ADAMTS18: variants seen among roughly 807,000 people sequenced by gnomAD.
ADAMTS18 encodes the protein ADAM metallopeptidase with thrombospondin type 1 motif 18, also known as A disintegrin and metalloproteinase with thrombospondin motifs 18.
A neutral mutation model predicts 165.9 loss-of-function variants in ADAMTS18; 157 were observed. The observed-to-expected ratio is 0.95, with a 90% CI of 0.83 to 1.08. ADAMTS18 has a LOEUF of 1.08. Among genes scored for constraint, ADAMTS18 ranks in the 50% least tolerant of loss-of-function variants. The pLI is 0.00. For missense variants in ADAMTS18, 2,040 were observed against 1,534.0 expected, an observed-to-expected ratio of 1.33 and a Z score of -5.51; for synonymous variants, 782 against 578.2, an observed-to-expected ratio of 1.35 and a Z score of -5.06.
chr16:77,410,862 G>C (rs970216025), intron 3 of ADAMTS18, among the ~76,000 whole-genome samples: 1 of 152,128 alleles, frequency 6.6e-6, no homozygotes, highest in Non-Finnish European at 1.5e-5. Context: ...AATGCATTTA[G>C]TGCGACAAAT....
intron 4 of ADAMTS18, 132 bp from the exon 5 acceptor site, chr16:77,364,513 G>A (rs533574719): frequency 3.4e-5 from 33 of 979,448 alleles, no homozygotes; most frequent in Admixed American, 2.5e-4. Flanking sequence ...AACAAGTGAT[G>A]CTATCAGTGC....
intron 3 of ADAMTS18, among the ~76,000 whole-genome samples, chr16:77,417,707 A>C (rs2057548760): frequency 6.6e-6 from 1 of 152,244 alleles, no homozygotes; most frequent in Non-Finnish European, 1.5e-5. Flanking sequence ...GCACCCACTA[A>C]CTCATCATCT....
At chr16:77,289,872 C>T (rs35010194) in intron 21 of ADAMTS18, among the ~76,000 whole-genome samples, 50,390 of 152,046 alleles carry the variant, frequency 0.33, 10,431 homozygotes, top group Non-Finnish European at 0.46. Context: ...TGCCCAGCCA[C>T]ATTCTGAGTT....
At chr16:77,294,487 T>C (rs998204986) in intron 19 of ADAMTS18, among the ~76,000 whole-genome samples, 3 of 152,228 alleles carry the variant, frequency 2.0e-5, no homozygotes, top group Non-Finnish European at 4.4e-5. Flanking sequence ...TCACTGGGAA[T>C]TTGTGACCAT....
At chr16:77,412,701 A>G (rs1597244078) in intron 3 of ADAMTS18, among the ~76,000 whole-genome samples, 1 of 152,298 alleles carries the variant, frequency 6.6e-6, no homozygotes, top group East Asian at 1.9e-4. Context: ...AACCAATGGA[A>G]AGGGAAAACC....
intron 14 of ADAMTS18, 53 bp downstream of exon 14, chr16:77,322,283 T>C (rs201435902): frequency 6.3e-7 from 1 of 1,591,714 alleles, no homozygotes; most frequent in South Asian, 1.1e-5. Flanking sequence ...GTACACACGA[T>C]ATGATAAAAC....
intron 3 of ADAMTS18, among the ~76,000 whole-genome samples, chr16:77,387,941 A>G (rs1375674284): frequency 6.6e-6 from 1 of 152,162 alleles, no homozygotes. Context: ...CTATGGCGCT[A>G]TCTCTCACCA....
chr16:77,326,600 C>T (rs2056099761), intron 12 of ADAMTS18, among the ~76,000 whole-genome samples: 1 of 152,188 alleles, frequency 6.6e-6, no homozygotes, highest in African/African-American at 2.4e-5. Flanking sequence ...CCAGGCCAGT[C>T]TCAAACTCCT....
In ADAMTS18 at chr16:77,311,485, C is replaced by G. The variant is rs144464024; in HGVS notation, c.2532+8364G>C. 2.4e-3 allele frequency among the ~76,000 whole-genome samples: 372 copies of G among 152,172 alleles called. 4 individuals are homozygous for G. The highest frequency in any genetic ancestry group is 8.6e-3 in the African/African-American group (356 of 41,514). ...GATCACTTGGATATCAATATACAGTCCACTTTTGGGAAAATATAATTTATT... is the reference window on the plus strand; with the variant it reads ...GATCACTTGGATATCAATATACAGTGCACTTTTGGGAAAATATAATTTATT... On this transcript the variant is annotated intron_variant, in intron 16 of 22. Coordinates refer to ENST00000282849, the MANE Select transcript of ADAMTS18 (RefSeq NM_199355.4).
chr16:77,375,212 G>A (rs1597191500), intron 3 of ADAMTS18, among the ~76,000 whole-genome samples: 1 of 152,070 alleles, frequency 6.6e-6, no homozygotes, highest in South Asian at 2.1e-4. Context: ...GAAAAAGACG[G>A]GGTTTCACCA....
At chr16:77,326,194 C>T (rs890193963) in intron 12 of ADAMTS18, among the ~76,000 whole-genome samples, 156 bp from the exon 13 acceptor site, 2 of 152,162 alleles carry the variant, frequency 1.3e-5, no homozygotes, top group Admixed American at 1.3e-4. Context: ...TAGCATACAA[C>T]TTAACACCTT....
At chr16:77,290,417 A>C (rs750145082) in intron 21 of ADAMTS18, 1 of 152,046 alleles carries the variant, frequency 6.6e-6, no homozygotes, top group Non-Finnish European at 1.5e-5. Context: ...ATCTAAATAA[A>C]CTTATTAGAG....
chr16:77,298,247 G>T (rs1306406683), intron 17 of ADAMTS18, among the ~76,000 whole-genome samples: 1 of 152,080 alleles, frequency 6.6e-6, no homozygotes, highest in African/African-American at 2.4e-5. Context: ...GCATCCCACT[G>T]CCTTGCTTTC....
At chr16:77,335,727 C>T in intron 12 of ADAMTS18, 29 bp downstream of exon 12, 1 of 1,614,092 alleles carries the variant, frequency 6.2e-7, no homozygotes, top group Non-Finnish European at 8.5e-7. Flanking sequence ...TAAGGCCTTG[C>T]AAAGACTAAC....
chr16:77,286,454 A>G (rs1212109988), intron 22 of ADAMTS18, among the ~76,000 whole-genome samples: 2 of 152,194 alleles, frequency 1.3e-5, no homozygotes, highest in East Asian at 1.9e-4. Context: ...GTTCACAGTA[A>G]GCACTAAAGA....
At chr16:77,314,649 G>GTGTGTGTATATATA (rs10527824) in intron 16 of ADAMTS18, among the ~76,000 whole-genome samples, 6 of 126,500 alleles carry the variant, frequency 4.7e-5, no homozygotes, top group African/African-American at 1.6e-4. Context: ...GTGTGTGTGT[G>GTGTGTGTATATATA]TATATATATA....
At chr16:77,345,543 A>G (rs1393396940) in intron 10 of ADAMTS18, among the ~76,000 whole-genome samples, 1 of 152,162 alleles carries the variant, frequency 6.6e-6, no homozygotes, top group East Asian at 1.9e-4. Context: ...GATCCTCCTC[A>G]CAAGCCTCAA....
chr16:77,434,284 A>G, intron 2 of ADAMTS18, 134 bp downstream of exon 2: 1 of 1,065,944 alleles, frequency 9.4e-7, no homozygotes, highest in Non-Finnish European at 1.4e-6. Context: ...CCCTCTCCAA[A>G]CAGGAACCAT....
chr16:77,335,771 T>C lies in ADAMTS18; in HGVS notation c.1844A>G (p.His615Arg), dbSNP rs1333283089. ...CGGGVKFQER[H>R]CNNPKPQYGG... ...GGAGGCTTACTTGGGGTTATTGCAG[T>C]GTCTCTCCTGGAACTTGACTCCTCC... is the stretch of plus-strand genomic sequence containing the variant. Residue 615 changes from histidine (H) to arginine (R), a missense_variant, in exon 12 of 23, where the codon CAC becomes CGC. Physicochemically the swap from His to Arg is conservative, Grantham distance 29 (BLOSUM62 0). Coordinates refer to ENST00000282849, the MANE Select transcript of ADAMTS18 (RefSeq NM_199355.4). 1.9e-5 allele frequency: 31 copies of C among 1,614,240 alleles called. No individual in the cohort carries two copies. Among genetic ancestry groups the C allele is most frequent in the Non-Finnish European group, 2.5e-5 (30 of 1,180,038 alleles).
Sources: allele counts gnomAD v4.1 joint callset (sites outside exome capture counted in the v4.1 genomes callset), GRCh38; gene constraint gnomAD v4.1.1; transcripts MANE v1.5; gene names NCBI Gene and HGNC (gene_info 2026-07-23, HGNC 2026-07-21).